SSNA1: variants seen among roughly 807,000 people sequenced by gnomAD.
SSNA1 encodes microtubule nucleation factor SSNA1.
Under a neutral mutation model 13.3 loss-of-function variants are expected in SSNA1, and 13 were observed. The ratio of observed to expected loss-of-function variants is 0.97; its 90% CI spans 0.63 to 1.55. The LOEUF is 1.55. Ranked by LOEUF, SSNA1 falls within the 40% of genes most tolerant of loss-of-function variation. The probability of loss-of-function intolerance (pLI) is 0.00; values close to 1 mark genes in which losing one functional copy is unlikely to be tolerated. For missense variants in SSNA1, 186 were observed against 152.7 expected, an observed-to-expected ratio of 1.22 and a Z score of -1.15; for synonymous variants, 89 against 65.9, an observed-to-expected ratio of 1.35 and a Z score of -1.70.
In SSNA1 at chr9:137,189,160, G is replaced by A. The variant is rs1834556029; in HGVS notation, c.147G>A (p.Gln49=). ...EKQRLQNEVR[Q]LTEKLARVNE... is the part of the protein sequence containing the mutation. Reference sequence around the variant, plus strand: ...AGCGGCTGCAGAATGAGGTGAGGCAGCTGACAGAGAAGCTGGCCCGCGTCA... The same window carrying A: ...AGCGGCTGCAGAATGAGGTGAGGCAACTGACAGAGAAGCTGGCCCGCGTCA... The change falls in exon 2 of 3, where the codon CAG becomes CAA. Residue 49 remains glutamine (Q), a synonymous_variant. Transcript: ENST00000322310. 6.2e-7 allele frequency: 1 copy of A among 1,612,630 alleles called. No homozygotes were observed. The highest frequency in any genetic ancestry group is 8.5e-7 in the Non-Finnish European group (1 of 1,179,830).
At position 137,190,070 on chromosome 9, in the gene SSNA1, C is replaced by CA; in HGVS notation, c.*158dup. On this transcript the variant is annotated 3_prime_UTR_variant, in exon 3 of 3. Coordinates refer to ENST00000322310, the MANE Select transcript of SSNA1 (RefSeq NM_003731.3). ...TGCCAGCCTCCACTGGCATCAGTGACAAGCCCAGGGCACAGCCCACCCGGG... is the reference window on the plus strand; with the variant it reads ...TGCCAGCCTCCACTGGCATCAGTGACAAAGCCCAGGGCACAGCCCACCCGGG... 2 of 682,864 alleles carry CA rather than the reference C, an allele frequency of 2.9e-6. No individual in the cohort carries two copies. Among genetic ancestry groups the CA allele is most frequent in the Non-Finnish European group, 5.0e-6 (2 of 400,526 alleles). 42.3% of individuals were successfully genotyped at this position (682,864 alleles called of 1,614,324 possible).
chr9:137,189,190 G>A lies in SSNA1; in HGVS notation c.177G>A (p.Glu59=). 1 of 1,613,204 alleles carries A rather than the reference G, an allele frequency of 6.2e-7. No homozygotes were observed. Among genetic ancestry groups the A allele is most frequent in the Non-Finnish European group, 8.5e-7 (1 of 1,179,984 alleles). Residue 59 remains glutamate, a synonymous_variant, in exon 2 of 3, where the codon GAG becomes GAA. Transcript: ENST00000322310. ...QLTEKLARVN[E]NLARKIASRN... ...CAGAGAAGCTGGCCCGCGTCAACGA[G>A]AACCTGGCACGCAAGATTGCCTCTC... is the stretch of plus-strand genomic sequence containing the variant.
chr9:137,188,958 G>A lies in SSNA1; in HGVS notation c.53-108G>A, dbSNP rs1834548337. 1.8e-5 allele frequency: 25 copies of A among 1,374,000 alleles called. No homozygotes were observed. The South Asian group carries it at 3.0e-4, about 16-fold the overall frequency. The allele number at this position is 1,374,000 out of a possible 1,614,324, so 85.1% of individuals were successfully genotyped here. ...CGCTGGCTCGCAGGCCCCGCGCCGG[G>A]CGCTCGGGGGTGGTGCCTGACTCTG... is the stretch of plus-strand genomic sequence containing the variant. On this transcript the variant is annotated intron_variant, in intron 1 of 2. Coordinates refer to ENST00000322310, the MANE Select transcript of SSNA1 (RefSeq NM_003731.3).
chr9:137,190,035 G>C lies in SSNA1; in HGVS notation c.*121G>C, dbSNP rs963705347. 6.6e-5 allele frequency: 59 copies of C among 894,290 alleles called. 2 individuals carry two copies. The African/African-American group carries it at 9.3e-4, about 14-fold the overall frequency. 55.4% of individuals were successfully genotyped at this position (894,290 alleles called of 1,614,324 possible). On this transcript the variant is annotated 3_prime_UTR_variant, in exon 3 of 3. Coordinates refer to ENST00000322310, the MANE Select transcript of SSNA1 (RefSeq NM_003731.3). The stretch of plus-strand genomic sequence containing the variant: ...CTTCCCTCACTGTCTCAGGTGCCGA[G>C]AGGGGCAGGTGCCAGCCTCCACTGG...
At position 137,189,790 on chromosome 9, in the gene SSNA1, C is replaced by T. The variant is rs753077707; in HGVS notation, c.253-17C>T. The T allele has an allele frequency of 4.3e-6, 7 of 1,611,110 alleles. No individual in the cohort carries two copies. The South Asian group carries it at 4.4e-5, about 10-fold the overall frequency. ...AACAGGTGAACATTAACAACCTTCT[C>T]ACTTCTCTGGCCCCAGATCCTGGAG... On this transcript the variant is annotated splice_polypyrimidine_tract_variant and intron_variant, in intron 2 of 2. Transcript: ENST00000322310.
chr9:137,188,684 T>C lies in SSNA1; in HGVS notation c.-43T>C, dbSNP rs773492650. ...CGTGCGCAGGCGCGGACAGCGCTGC[T>C]TCCGCGGCGGTTGGGGTGGTGGGGC... On this transcript the variant is annotated 5_prime_UTR_variant, in exon 1 of 3. Transcript: ENST00000322310. The C allele has an allele frequency of 8.3e-6, 13 of 1,572,952 alleles. No homozygotes were observed. In the South Asian group the frequency reaches 1.5e-4, roughly 18 times the overall value.
At chr9:137,189,341 C>T (rs1415559584) in intron 2 of SSNA1, 76 bp downstream of exon 2, 3 of 1,533,968 alleles carry the variant, frequency 2.0e-6, no homozygotes, top group African/African-American at 1.4e-5. Context: ...GCGTCAGGAC[C>T]GGCTGGGGCT....
At chr9:137,189,748 G>T in intron 2 of SSNA1, 59 bp from the exon 3 acceptor site, 1 of 1,504,736 alleles carries the variant, frequency 6.6e-7, no homozygotes, top group Non-Finnish European at 9.2e-7. Context: ...AGGACAGCTG[G>T]GGCTTAGGAC....
intron 2 of SSNA1, 149 bp downstream of exon 2, chr9:137,189,414 T>G: frequency 3.2e-6 from 3 of 925,870 alleles, no homozygotes; most frequent in Non-Finnish European, 5.0e-6. Context: ...GCCAGGCCCA[T>G]TGAGGAACCC....
In SSNA1 at chr9:137,188,703, G is replaced by T; in HGVS notation, c.-24G>T. 1 of 1,577,476 alleles carries T rather than the reference G, an allele frequency of 6.3e-7. No individual in the cohort carries two copies. Among genetic ancestry groups the T allele is most frequent in the Non-Finnish European group, 8.5e-7 (1 of 1,170,346 alleles). On this transcript the variant is annotated 5_prime_UTR_variant, in exon 1 of 3. Transcript: ENST00000322310. ...CGCTGCTTCCGCGGCGGTTGGGGTG[G>T]TGGGGCCCCGGGCGGCGTTGACCAT...
intron 1 of SSNA1, 69 bp from the exon 2 acceptor site, chr9:137,188,997 G>T: frequency 6.6e-7 from 1 of 1,517,584 alleles, no homozygotes; most frequent in Non-Finnish European, 8.9e-7. Context: ...TCCTCGGGTG[G>T]AAGGAGGCCC....
rs1834582947 is a variant in SSNA1 at position 137,190,163 on chromosome 9, G to T, written c.*249G>T. 1 of 475,940 alleles carries T rather than the reference G, an allele frequency of 2.1e-6. No homozygotes were observed. The highest frequency in any genetic ancestry group is 3.8e-6 in the Non-Finnish European group (1 of 260,816). 29.5% of individuals were successfully genotyped at this position (475,940 alleles called of 1,614,324 possible). A position where few individuals can be genotyped will look rare whatever the true frequency, so the allele number is the denominator to read the frequency against. ...TCCAGGTCAGCTCTGCAAGGGGCTT[G>T]TCTCTGTGGCACCCACACTCCTGCC... is the stretch of plus-strand genomic sequence containing the variant. On this transcript the variant is annotated 3_prime_UTR_variant, in exon 3 of 3. Coordinates refer to ENST00000322310, the MANE Select transcript of SSNA1 (RefSeq NM_003731.3).
At chr9:137,189,326 G>C (rs1834560531) in intron 2 of SSNA1, 61 bp downstream of exon 2, 16 of 1,588,186 alleles carry the variant, frequency 1.0e-5, no homozygotes, top group Non-Finnish European at 1.4e-5. Flanking sequence ...TGTTGCCACG[G>C]CAAGGCGTCA....
rs1277325566 is a variant in SSNA1, at chr9:137,190,122, T to A, written c.*208T>A. The A allele has an allele frequency of 5.4e-6, 3 of 550,600 alleles. No individual in the cohort carries two copies. Among genetic ancestry groups the A allele is most frequent in the Non-Finnish European group, 6.5e-6 (2 of 305,998 alleles). 34.1% of individuals were successfully genotyped at this position (550,600 alleles called of 1,614,324 possible). A position where few individuals can be genotyped will look rare whatever the true frequency, so the allele number is the denominator to read the frequency against. ...GTCCTCGCTTCATGCTCACACAGGC[T>A]ATGGGGATGGTGGGCTCCAGGTCAG... On this transcript the variant is annotated 3_prime_UTR_variant, in exon 3 of 3. Coordinates refer to ENST00000322310, the MANE Select transcript of SSNA1 (RefSeq NM_003731.3).
intron 1 of SSNA1, 137 bp from the exon 2 acceptor site, chr9:137,188,929 C>A: frequency 1.5e-6 from 2 of 1,319,888 alleles, no homozygotes; most frequent in Non-Finnish European, 1.0e-6. Flanking sequence ...GTGGCCCGAG[C>A]CCTCGCTGGC....
rs1834576702 is a variant in SSNA1, at chr9:137,189,979, G to T, written c.*65G>T. 1 of 1,416,916 alleles carries T rather than the reference G, an allele frequency of 7.1e-7. No homozygotes were observed. Among genetic ancestry groups the T allele is most frequent in the African/African-American group, 1.4e-5 (1 of 71,152 alleles). 87.8% of individuals were successfully genotyped at this position (1,416,916 alleles called of 1,614,324 possible). On this transcript the variant is annotated 3_prime_UTR_variant, in exon 3 of 3. Transcript: ENST00000322310. ...CTCAGCCCCAGCAAGTGTGTGCTCA[G>T]AGCATCTTTGTTCTTCACGGCAGCA...
chr9:137,189,108 A>T lies in SSNA1; in HGVS notation c.95A>T (p.Gln32Leu). ...LCQKREELCR[Q>L]IQEEEDEKQR... is the part of the protein sequence containing the mutation. ...CAGAAGCGGGAGGAGCTGTGCCGGCAGATCCAGGAGGAGGAGGACGAGAAG... is the reference window on the plus strand; with the variant it reads ...CAGAAGCGGGAGGAGCTGTGCCGGCTGATCCAGGAGGAGGAGGACGAGAAG... The change falls in exon 2 of 3, where the codon CAG becomes CTG. Residue 32 changes from glutamine (Q) to leucine (L), a missense_variant. Transcript: ENST00000322310. 1 of 1,599,650 alleles carries T rather than the reference A, an allele frequency of 6.3e-7. No homozygotes were observed. Among genetic ancestry groups the T allele is most frequent in the East Asian group, 2.3e-5 (1 of 44,172 alleles).
At chr9:137,189,427 G>A (rs1341336627) in intron 2 of SSNA1, among the ~76,000 whole-genome samples, 162 bp downstream of exon 2, 1 of 152,252 alleles carries the variant, frequency 6.6e-6, no homozygotes, top group Admixed American at 6.5e-5. Context: ...AGGAACCCAG[G>A]CTGCTGTGGG....
At chr9:137,189,698 G>T (rs1834567419) in intron 2 of SSNA1, 109 bp from the exon 3 acceptor site, 1 of 993,000 alleles carries the variant, frequency 1.0e-6, no homozygotes, top group Non-Finnish European at 1.5e-6. Context: ...AGGATCCCTT[G>T]GCTACAGCAC....
Sources: allele counts gnomAD v4.1 joint callset (sites outside exome capture counted in the v4.1 genomes callset), GRCh38; gene constraint gnomAD v4.1.1; transcripts MANE v1.5; gene names NCBI Gene and HGNC (gene_info 2026-07-23, HGNC 2026-07-21).